ZNF774: variants seen among roughly 807,000 people sequenced by gnomAD.
ZNF774 encodes zinc finger protein 774.
A neutral mutation model predicts 11.1 loss-of-function variants in ZNF774; 14 were observed. The ratio of observed to expected loss-of-function variants is 1.26; its 90% CI spans 0.83 to 1.97. The LOEUF (loss-of-function observed/expected upper bound fraction) is 1.97, where lower values mean the gene tolerates loss of function less well. Ranked by LOEUF, ZNF774 falls within the 30% of genes most tolerant of loss-of-function variation. The pLI, the probability that ZNF774 is intolerant of heterozygous loss-of-function variation, is 0.00. For synonymous variants in ZNF774, 195 were observed against 212.6 expected, an observed-to-expected ratio of 0.92 and a Z score of 0.72; for missense variants, 599 against 587.0, an observed-to-expected ratio of 1.02 and a Z score of -0.21.
chr15:90,358,587 G>A (rs1037413379), intron 2 of ZNF774, among the ~76,000 whole-genome samples: 12 of 152,116 alleles, frequency 7.9e-5, no homozygotes, highest in African/African-American at 1.2e-4. Context: ...TTCAGAAATG[G>A]TTATTGTATT....
At chr15:90,354,866 T>A in intron 2 of ZNF774, 102 bp downstream of exon 2, 3 of 932,698 alleles carry the variant, frequency 3.2e-6, no homozygotes, top group Non-Finnish European at 5.0e-6. Context: ...GCGATCTCGA[T>A]TCACTGCAAT....
chr15:90,354,075 T>TA (rs11333989), intron 1 of ZNF774, among the ~76,000 whole-genome samples: 39 of 150,868 alleles, frequency 2.6e-4, no homozygotes, highest in Middle Eastern at 3.4e-3. Context: ...TTCTTTTTTT[T>TA]AAAAAAAAAA....
Position 90,358,896 on chromosome 15 carries a change from G to A in ZNF774, c.150G>A (p.Glu50=), listed in dbSNP as rs1470827761. 2.5e-6 allele frequency: 4 copies of A among 1,613,358 alleles called. No homozygotes were observed. The highest frequency in any genetic ancestry group is 3.4e-6 in the Non-Finnish European group (4 of 1,179,652). ...TCTCCCAGCCGGAGCAGAAAGAAGA[G>A]CCATGGGTCCTACCACTCCAAAACT... The part of the protein sequence containing the change: ...SVISQPEQKE[E]PWVLPLQNFE... The change falls in exon 3 of 4, where the codon GAG becomes GAA. Residue 50 remains glutamate (E), a synonymous_variant. Coordinates refer to ENST00000354377, the MANE Select transcript of ZNF774 (RefSeq NM_001004309.3).
chr15:90,359,444 T>A (rs911592173), intron 3 of ZNF774, among the ~76,000 whole-genome samples: 1 of 151,978 alleles, frequency 6.6e-6, no homozygotes. Flanking sequence ...ATTAAGCATT[T>A]CACTTTTGTC....
At chr15:90,359,273 C>G (rs892455631) in intron 3 of ZNF774, among the ~76,000 whole-genome samples, 3 of 149,850 alleles carry the variant, frequency 2.0e-5, no homozygotes, top group African/African-American at 7.4e-5. Flanking sequence ...GGGGTTTCAC[C>G]TTGTTAGCCA....
chr15:90,358,627 G>T (rs1317193466), intron 2 of ZNF774, among the ~76,000 whole-genome samples: 2 of 151,862 alleles, frequency 1.3e-5, no homozygotes, highest in Non-Finnish European at 2.9e-5. Context: ...CCTGAGTCTG[G>T]TTTTTTTTCT....
At chr15:90,355,993 A>T (rs1184857113) in intron 2 of ZNF774, among the ~76,000 whole-genome samples, 1 of 142,784 alleles carries the variant, frequency 7.0e-6, no homozygotes, top group Non-Finnish European at 1.5e-5. Flanking sequence ...ATGCCACTGC[A>T]CTCCATCCTG....
Position 90,360,522 on chromosome 15 carries a change from G to A in ZNF774, c.691G>A (p.Gly231Arg). 1 of 1,614,012 alleles carries A rather than the reference G, an allele frequency of 6.2e-7. No homozygotes were observed. Among genetic ancestry groups the A allele is most frequent in the Non-Finnish European group, 8.5e-7 (1 of 1,180,012 alleles). ...TLIKHQRTHT[G>R]ERPYECPECG... ...CATCAAACATCAGAGAACCCACACA[G>A]GGGAGAGACCCTATGAGTGCCCAGA... The change falls in exon 4 of 4, where the codon GGG becomes AGG. Residue 231 changes from glycine to arginine, a missense_variant. Physicochemically the swap from Gly to Arg is moderately radical, Grantham distance 125. Coordinates refer to ENST00000354377, the MANE Select transcript of ZNF774 (RefSeq NM_001004309.3).
chr15:90,360,679 G>C lies in ZNF774; in HGVS notation c.848G>C (p.Arg283Thr), dbSNP rs373662717. ...SRSSNFITHQ[R>T]THTGVKPYRC... ...AGCTCAAATTTCATCACTCACCAGA[G>C]GACCCACACAGGGGTGAAGCCTTAC... Residue 283 changes from arginine (R) to threonine (T), a missense_variant, in exon 4 of 4, where the codon AGG (arginine) becomes ACG (threonine). Physicochemically the swap from Arg to Thr is moderately conservative, Grantham distance 71 (BLOSUM62 -1). Coordinates refer to ENST00000354377, the MANE Select transcript of ZNF774 (RefSeq NM_001004309.3). 6.2e-7 allele frequency: 1 copy of C among 1,614,204 alleles called. No individual in the cohort carries two copies. Among genetic ancestry groups the C allele is most frequent in the Non-Finnish European group, 8.5e-7 (1 of 1,180,042 alleles).
Position 90,360,093 on chromosome 15 carries a change from G to A in ZNF774, c.262G>A (p.Glu88Lys). The A allele has an allele frequency of 6.2e-7, 1 of 1,614,110 alleles. No homozygotes were observed. The highest frequency in any genetic ancestry group is 8.5e-7 in the Non-Finnish European group (1 of 1,180,006). ...CAATCAGGACAATTCTGAAACAGCA[G>A]AACAATGTGGAACATCCTCAGAAAG... ...KLNQDNSETAEQCGTSSERTN... is the reference protein window; with the variant it reads ...KLNQDNSETAKQCGTSSERTN... The change falls in exon 4 of 4, where the codon GAA becomes AAA. Residue 88 changes from glutamate (E) to lysine (K), a missense_variant. Glu to Lys is a moderately conservative substitution (Grantham distance 56). Coordinates refer to ENST00000354377, the MANE Select transcript of ZNF774 (RefSeq NM_001004309.3).
chr15:90,357,196 C>A (rs566242464), intron 2 of ZNF774, among the ~76,000 whole-genome samples: 2 of 151,824 alleles, frequency 1.3e-5, no homozygotes, highest in Non-Finnish European at 2.9e-5. Flanking sequence ...CTACCTTTCA[C>A]AGTGGGTATT....
In ZNF774 at chr15:90,358,907, T is replaced by C. The variant is rs772853258; in HGVS notation, c.161T>C (p.Leu54Pro). ...QPEQKEEPWV[L>P]PLQNFEARKI... The stretch of plus-strand genomic sequence containing the variant: ...GAGCAGAAAGAAGAGCCATGGGTCC[T>C]ACCACTCCAAAACTTTGAGGCGAGG... The change falls in exon 3 of 4, where the codon CTA becomes CCA. Residue 54 changes from leucine (L) to proline (P), a missense_variant. Transcript: ENST00000354377. 6.2e-7 allele frequency: 1 copy of C among 1,613,694 alleles called. No homozygotes were observed. The highest frequency in any genetic ancestry group is 8.5e-7 in the Non-Finnish European group (1 of 1,179,744).
chr15:90,353,917 T>A (rs1415972926), intron 1 of ZNF774, among the ~76,000 whole-genome samples: 1 of 152,228 alleles, frequency 6.6e-6, no homozygotes, highest in African/African-American at 2.4e-5. Context: ...ATCCATCCAG[T>A]AATTCACTCT....
Position 90,358,889 on chromosome 15 carries a change from A to G in ZNF774, c.143A>G (p.Lys48Arg). 3 of 1,613,512 alleles carry G rather than the reference A, an allele frequency of 1.9e-6. No homozygotes were observed. The highest frequency in any genetic ancestry group is 2.5e-6 in the Non-Finnish European group (3 of 1,179,642). Residue 48 changes from lysine to arginine, a missense_variant, in exon 3 of 4, where the codon AAA becomes AGA. By Grantham distance (26) the Lys-to-Arg change is conservative. Coordinates refer to ENST00000354377, the MANE Select transcript of ZNF774 (RefSeq NM_001004309.3). Reference sequence around the variant, plus strand: ...AGTGTAATCTCCCAGCCGGAGCAGAAAGAAGAGCCATGGGTCCTACCACTC... The same window carrying G: ...AGTGTAATCTCCCAGCCGGAGCAGAGAGAAGAGCCATGGGTCCTACCACTC... ...RPSVISQPEQ[K>R]EEPWVLPLQN...
rs1301918890 is a variant in ZNF774, at chr15:90,356,037, AAAATAAAT to A, written c.104+1277_104+1284del. Among the ~76,000 whole-genome samples the A allele has an allele frequency of 1.0e-3, 105 of 104,524 alleles. 1 individual carries two copies. Among genetic ancestry groups the A allele is most frequent in the East Asian group, 2.0e-3 (6 of 2,944 alleles). 68.6% of individuals were successfully genotyped at this position (104,524 alleles called of 152,430 possible). ...AGCAAGACTCCATCTCAAAAAAAAA[AAAATAAAT>A]AAAAAAAACCAAAAACACCTCCAAT... On this transcript the variant is annotated intron_variant, in intron 2 of 3. Coordinates refer to ENST00000354377, the MANE Select transcript of ZNF774 (RefSeq NM_001004309.3).
At chr15:90,355,044 C>G (rs1567100316) in intron 2 of ZNF774, among the ~76,000 whole-genome samples, 1 of 152,134 alleles carries the variant, frequency 6.6e-6, no homozygotes, top group East Asian at 1.9e-4. Context: ...GTCTCAAACT[C>G]CTGAGCTCAA....
At chr15:90,355,101 C>T (rs966244412) in intron 2 of ZNF774, among the ~76,000 whole-genome samples, 2 of 152,206 alleles carry the variant, frequency 1.3e-5, no homozygotes, top group African/African-American at 4.8e-5. Context: ...TTATGGGCGC[C>T]ACCATGCCTG....
rs1213966170 is a variant in ZNF774, at chr15:90,360,578, C to T, written c.747C>T (p.His249=). The change falls in exon 4 of 4, where the codon CAC becomes CAT. Residue 249 remains histidine (H), a synonymous_variant. Coordinates refer to ENST00000354377, the MANE Select transcript of ZNF774 (RefSeq NM_001004309.3). Reference sequence around the variant, plus strand: ...GAAAGACTTTTGGGCGGAAGCCACACCTCATAATGCACCAAAGAACCCACA... The same window carrying T: ...GAAAGACTTTTGGGCGGAAGCCACATCTCATAATGCACCAAAGAACCCACA... ...ECGKTFGRKP[H]LIMHQRTHTG... 5.0e-6 allele frequency: 8 copies of T among 1,612,634 alleles called. No homozygotes were observed. Among genetic ancestry groups the T allele is most frequent in the Non-Finnish European group, 6.8e-6 (8 of 1,179,650 alleles).
intron 1 of ZNF774, among the ~76,000 whole-genome samples, chr15:90,354,428 G>A (rs1208472986): frequency 1.3e-5 from 2 of 152,198 alleles, no homozygotes; most frequent in African/African-American, 4.8e-5. Context: ...GGAGGCCTAG[G>A]CCTCTCTTAG....
Sources: allele counts gnomAD v4.1 joint callset (sites outside exome capture counted in the v4.1 genomes callset), GRCh38; gene constraint gnomAD v4.1.1; transcripts MANE v1.5; gene names NCBI Gene and HGNC (gene_info 2026-07-23, HGNC 2026-07-21).